ARID1B: variants seen among roughly 807,000 people sequenced by gnomAD.
The protein encoded by ARID1B is AT-rich interactive domain-containing protein 1B.
In ARID1B, 30 loss-of-function variants were observed where a neutral mutation model predicts 212.3. That is an observed-to-expected ratio of 0.14 (90% CI 0.11 to 0.19). The LOEUF (loss-of-function observed/expected upper bound fraction) is 0.19. Ranked by LOEUF, ARID1B falls within the 10% of genes least tolerant of loss-of-function variation. The probability of loss-of-function intolerance (pLI) is 1.00; values close to 1 mark genes in which losing one functional copy is unlikely to be tolerated. For synonymous variants in ARID1B, 1,402 were observed against 1,301.7 expected, an observed-to-expected ratio of 1.08 and a Z score of -1.66; for missense variants, 2,891 against 3,204.0, an observed-to-expected ratio of 0.90 and a Z score of 2.36.
intron 2 of ARID1B, among the ~76,000 whole-genome samples, chr6:156,869,138 G>A (rs1196513848): frequency 1.3e-5 from 2 of 152,160 alleles, no homozygotes; most frequent in African/African-American, 4.8e-5. Context: ...TGCATTGTCT[G>A]TATATTTCTT....
At chr6:157,196,133 TA>T (rs2128355683) in intron 15 of ARID1B, 31 bp from the exon 16 acceptor site, 1 of 1,609,184 alleles carries the variant, frequency 6.2e-7, no homozygotes, top group Non-Finnish European at 8.5e-7. Context: ...CAGAAATGCC[TA>T]AATGTATGCA....
At chr6:156,893,589 A>C (rs1321032325) in intron 2 of ARID1B, among the ~76,000 whole-genome samples, 1 of 143,280 alleles carries the variant, frequency 7.0e-6, no homozygotes, top group Non-Finnish European at 1.6e-5. Context: ...CAGCAAAACA[A>C]ATAACCTAAT....
At chr6:156,787,599 G>A (rs1051408069) in intron 1 of ARID1B, among the ~76,000 whole-genome samples, 1 of 151,744 alleles carries the variant, frequency 6.6e-6, no homozygotes, top group Non-Finnish European at 1.5e-5. Context: ...TAAATTTTCT[G>A]TTACCACTGG....
chr6:156,786,646 G>A (rs745551902), intron 1 of ARID1B, among the ~76,000 whole-genome samples: 1 of 152,048 alleles, frequency 6.6e-6, no homozygotes, highest in East Asian at 1.9e-4. Flanking sequence ...TTTCTTTAAG[G>A]TGTAAACATT....
chr6:157,072,100 T>C (rs1784038083), intron 4 of ARID1B: 1 of 152,244 alleles, frequency 6.6e-6, no homozygotes, highest in Non-Finnish European at 1.5e-5. Context: ...TTATTGTATA[T>C]GTCTTCATTA....
chr6:156,858,414 G>A (rs532226591), intron 2 of ARID1B, among the ~76,000 whole-genome samples: 2 of 152,314 alleles, frequency 1.3e-5, no homozygotes, highest in East Asian at 3.9e-4. Flanking sequence ...AAATGTTTGA[G>A]GTGATGGATA....
At chr6:157,047,868 T>C (rs535779134) in intron 4 of ARID1B, among the ~76,000 whole-genome samples, 2 of 152,230 alleles carry the variant, frequency 1.3e-5, no homozygotes, top group Non-Finnish European at 2.9e-5. Context: ...ATTTGGGACA[T>C]GCACATGTAA....
intron 6 of ARID1B, among the ~76,000 whole-genome samples, chr6:157,129,419 T>G (rs1788377505): frequency 6.6e-6 from 1 of 152,360 alleles, no homozygotes. Context: ...TGTGTCAGCT[T>G]CCTCTTTCAT....
intron 1 of ARID1B, among the ~76,000 whole-genome samples, chr6:156,787,904 G>A (rs1188869587): frequency 6.6e-6 from 1 of 152,086 alleles, no homozygotes; most frequent in Non-Finnish European, 1.5e-5. Flanking sequence ...CCAGCAGGGG[G>A]TCAGTTTCCT....
intron 4 of ARID1B, chr6:156,984,594 G>A (rs1777809184): frequency 6.6e-6 from 1 of 152,248 alleles, no homozygotes; most frequent in Non-Finnish European, 1.5e-5. Flanking sequence ...GGGGTAGTGG[G>A]TGGGGTGCAG....
In ARID1B at chr6:157,207,696, G is replaced by T; in HGVS notation, c.6924G>T (p.Pro2308=). The part of the protein sequence containing the change: ...SQHNLMHMQP[P]PLEPPSVDMM... ...ACAACCTCATGCACATGCAGCCCCC[G>T]CCCCTGGAACCACCTAGCGTAGACA... Residue 2308 remains proline, a synonymous_variant, in exon 20 of 20, where the codon CCG becomes CCT. Transcript: ENST00000636930. The surrounding 1 kb of genome is among the most constrained non-coding windows in gnomAD (Gnocchi z 8.5). The T allele has an allele frequency of 6.2e-7, 1 of 1,608,672 alleles. No homozygotes were observed. Among genetic ancestry groups the T allele is most frequent in the Non-Finnish European group, 8.5e-7 (1 of 1,175,540 alleles).
intron 6 of ARID1B, among the ~76,000 whole-genome samples, chr6:157,126,283 C>A (rs139794286): frequency 6.6e-6 from 1 of 152,068 alleles, no homozygotes; most frequent in South Asian, 2.1e-4. Flanking sequence ...GCAAGATGTG[C>A]GTTCTTCACT....
rs1056797688 is a variant in ARID1B, at chr6:157,026,660, T to A, written c.2248-58002T>A. 3.3e-5 allele frequency among the ~76,000 whole-genome samples: 5 copies of A among 152,316 alleles called. No individual in the cohort carries two copies. The East Asian group carries it at 9.6e-4, about 29-fold the overall frequency. On this transcript the variant is annotated intron_variant, in intron 4 of 19. Coordinates refer to ENST00000636930, the MANE Select transcript of ARID1B (RefSeq NM_001374828.1). ...AGAGGAGTGTTTGTAATCATCACTG[T>A]GACTTGTTTTTGTGCTAAAATACCC...
chr6:156,967,213 T>C (rs1794828570), intron 4 of ARID1B, among the ~76,000 whole-genome samples: 1 of 152,224 alleles, frequency 6.6e-6, no homozygotes, highest in Non-Finnish European at 1.5e-5. Flanking sequence ...GTACCTTATA[T>C]TTGAACATTG....
intron 6 of ARID1B, among the ~76,000 whole-genome samples, chr6:157,117,768 A>G (rs1217895336): frequency 6.6e-6 from 1 of 152,236 alleles, no homozygotes; most frequent in African/African-American, 2.4e-5. Context: ...TAAATACTGT[A>G]TGTCATTTGC....
chr6:156,811,393 G>T (rs146534131), intron 1 of ARID1B, among the ~76,000 whole-genome samples: 4 of 152,328 alleles, frequency 2.6e-5, no homozygotes, highest in Non-Finnish European at 4.4e-5. Context: ...ACTACAGGTT[G>T]TGTGTTATAA....
At chr6:157,070,785 T>C (rs749910983) in intron 4 of ARID1B, among the ~76,000 whole-genome samples, 1 of 152,242 alleles carries the variant, frequency 6.6e-6, no homozygotes, top group Non-Finnish European at 1.5e-5. Flanking sequence ...GGAGGAACTC[T>C]TACACTTAAA....
chr6:157,151,689 T>A (rs1344459855), intron 8 of ARID1B: 1 of 152,198 alleles, frequency 6.6e-6, no homozygotes, highest in Non-Finnish European at 1.5e-5. Context: ...CTAAAAAAAA[T>A]AATTATTGCT....
At chr6:157,124,143 T>C (rs1379648521) in intron 6 of ARID1B, among the ~76,000 whole-genome samples, 1 of 152,236 alleles carries the variant, frequency 6.6e-6, no homozygotes, top group Non-Finnish European at 1.5e-5. Context: ...CTCCTTTTCC[T>C]CAGAAATGAT....
Sources: allele counts gnomAD v4.1 joint callset (sites outside exome capture counted in the v4.1 genomes callset), GRCh38; gene constraint gnomAD v4.1.1; non-coding constraint Gnocchi (gnomAD v3.1); transcripts MANE v1.5; gene names NCBI Gene and HGNC (gene_info 2026-07-23, HGNC 2026-07-21).